The following HYDIN variants were observed in gnomAD, a reference collection of about 807,000 sequenced individuals.
HYDIN encodes HYDIN axonemal central pair apparatus protein.
HYDIN carries 132 observed loss-of-function variants against 403.9 expected under a neutral mutation model. The ratio of observed to expected loss-of-function variants is 0.33; its 90% CI spans 0.28 to 0.38. HYDIN has a LOEUF of 0.38. Among genes scored for constraint, HYDIN ranks in the 10% least tolerant of loss-of-function variants. The pLI is 1.00. For missense variants in HYDIN, 2,827 were observed against 5,009.5 expected (o/e 0.56, Z 13.15); for synonymous variants, 1,202 against 1,891.7 (o/e 0.64, Z 9.46).
At position 71,036,899 on chromosome 16, in the gene HYDIN, G is replaced by A. The variant is rs183622124; in HGVS notation, c.2530-4982C>T. 1.2e-4 allele frequency among the ~76,000 whole-genome samples: 19 copies of A among 152,052 alleles called. No homozygotes were observed. In the East Asian group the frequency reaches 3.3e-3, roughly 26 times the overall value. On this transcript the variant is annotated intron_variant, in intron 18 of 85. Transcript: ENST00000393567. ...GGGCTTGGTCATTGTGATATTTCCT[G>A]TTATTAAATGGAAAATTTGACTAAA...
chr16:71,184,641 GA>G (rs2087056850), intron 3 of HYDIN, among the ~76,000 whole-genome samples: 1 of 152,102 alleles, frequency 6.6e-6, no homozygotes, highest in African/African-American at 2.4e-5. Flanking sequence ...AAGTAGCTAA[GA>G]AAGAAGTATA....
At chr16:71,192,250 C>A (rs2087472577) in intron 1 of HYDIN, among the ~76,000 whole-genome samples, 1 of 152,158 alleles carries the variant, frequency 6.6e-6, no homozygotes, top group Non-Finnish European at 1.5e-5. Flanking sequence ...TCTTTTCCAT[C>A]CCTGCTGCCC....
intron 21 of HYDIN, among the ~76,000 whole-genome samples, chr16:71,024,451 A>T (rs2080615704): frequency 6.6e-6 from 1 of 150,968 alleles, no homozygotes; most frequent in Non-Finnish European, 1.5e-5. Flanking sequence ...CTCCTAATAC[A>T]TGCCCTCCCA....
At chr16:71,142,204 C>T (rs1210012635) in intron 7 of HYDIN, among the ~76,000 whole-genome samples, 1 of 151,440 alleles carries the variant, frequency 6.6e-6, no homozygotes, top group Non-Finnish European at 1.5e-5. Flanking sequence ...GGTCTGTAAT[C>T]GGTTTGATTA....
chr16:71,092,996 C>A (rs1454435842), intron 11 of HYDIN, among the ~76,000 whole-genome samples: 2 of 139,762 alleles, frequency 1.4e-5, no homozygotes, highest in Non-Finnish European at 3.0e-5. Context: ...TGTAATAAAG[C>A]CTAACTTTCA....
At chr16:70,981,227 C>T (rs1157863319) in intron 29 of HYDIN, among the ~76,000 whole-genome samples, 164 bp downstream of exon 29, 7 of 152,206 alleles carry the variant, frequency 4.6e-5, no homozygotes, top group Non-Finnish European at 4.4e-5. Context: ...GATTTCTTGT[C>T]GCAGTAAACT....
intron 1 of HYDIN, among the ~76,000 whole-genome samples, chr16:71,197,057 G>C (rs909071054): frequency 5.3e-5 from 8 of 152,034 alleles, no homozygotes; most frequent in Non-Finnish European, 1.2e-4. Context: ...ATTCTTTCTT[G>C]TGTGAAATCC....
intron 15 of HYDIN, chr16:71,066,692 G>C: frequency 2.8e-6 from 1 of 361,640 alleles, no homozygotes; most frequent in South Asian, 2.1e-5. Context: ...TGGTCAAAAG[G>C]ACACAGTCAA....
chr16:71,198,410 G>C (rs1598009771), intron 1 of HYDIN, among the ~76,000 whole-genome samples: 4 of 152,256 alleles, frequency 2.6e-5, no homozygotes, highest in East Asian at 3.9e-4. Context: ...GTATGTGCAG[G>C]ATAGGCTCTC....
At chr16:70,893,510 T>C (rs931530415) in intron 55 of HYDIN, 2 of 151,600 alleles carry the variant, frequency 1.3e-5, no homozygotes, top group African/African-American at 5.0e-5. Flanking sequence ...ACTTTTTCTT[T>C]TCTTTTCTTT....
At chr16:71,126,600 G>C (rs953694002) in intron 9 of HYDIN, among the ~76,000 whole-genome samples, 1 of 151,314 alleles carries the variant, frequency 6.6e-6, no homozygotes, top group Non-Finnish European at 1.5e-5. Flanking sequence ...GCTGATGACT[G>C]CTCCTCCTGA....
chr16:71,074,075 A>G (rs4238975), intron 13 of HYDIN, among the ~76,000 whole-genome samples: 1 of 152,238 alleles, frequency 6.6e-6, no homozygotes, highest in Non-Finnish European at 1.5e-5. Flanking sequence ...ACACTAATCT[A>G]TAACAGACTC....
chr16:70,907,919 T>G (rs1363596104), intron 49 of HYDIN, among the ~76,000 whole-genome samples: 2 of 151,904 alleles, frequency 1.3e-5, no homozygotes, highest in African/African-American at 4.8e-5. Context: ...ATTTCACCCA[T>G]GCAGAGTCAC....
intron 1 of HYDIN, among the ~76,000 whole-genome samples, chr16:71,225,540 T>G (rs998870852): frequency 7.9e-5 from 12 of 152,220 alleles, no homozygotes; most frequent in Non-Finnish European, 1.6e-4. Flanking sequence ...CAACCGGCCC[T>G]ATCTCTGGAC....
At chr16:71,192,992 C>G (rs887570216) in intron 1 of HYDIN, among the ~76,000 whole-genome samples, 3 of 152,178 alleles carry the variant, frequency 2.0e-5, no homozygotes, top group Non-Finnish European at 2.9e-5. Context: ...CCTACAAAAC[C>G]CATCTCAAGA....
chr16:71,212,755 T>TAATG lies in HYDIN; in HGVS notation c.-24+17803_-24+17806dup, dbSNP rs759066411. Among the ~76,000 whole-genome samples the TAATG allele has an allele frequency of 2.0e-5, 3 of 152,064 alleles. No individual in the cohort carries two copies. The South Asian group carries it at 6.2e-4, about 32-fold the overall frequency. ...CTTGAGTGAAGTAAGAGAAGAGAGA[T>TAATG]AATGAGTCAGAGGCAACATCTAACA... On this transcript the variant is annotated intron_variant, in intron 1 of 85. Coordinates refer to ENST00000393567, the MANE Select transcript of HYDIN (RefSeq NM_001270974.2).
chr16:71,164,993 T>C (rs2086154870), intron 5 of HYDIN, among the ~76,000 whole-genome samples: 1 of 152,256 alleles, frequency 6.6e-6, no homozygotes, highest in South Asian at 2.1e-4. Flanking sequence ...CAAACTGTAA[T>C]CACTCTTCAC....
chr16:70,989,011 A>G (rs1437533743), intron 25 of HYDIN, among the ~76,000 whole-genome samples: 2 of 151,862 alleles, frequency 1.3e-5, no homozygotes, highest in African/African-American at 4.8e-5. Flanking sequence ...GTTTGCTTTA[A>G]TTTTTCTGTA....
intron 23 of HYDIN, among the ~76,000 whole-genome samples, chr16:71,008,580 T>G (rs2144093185): frequency 6.6e-6 from 1 of 152,080 alleles, no homozygotes; most frequent in Admixed American, 6.5e-5. Flanking sequence ...CTTTGTGGTC[T>G]GGAAAGCTGT....
Sources: allele counts gnomAD v4.1 joint callset (sites outside exome capture counted in the v4.1 genomes callset), GRCh38; gene constraint gnomAD v4.1.1; transcripts MANE v1.5; gene names NCBI Gene and HGNC (gene_info 2026-07-23, HGNC 2026-07-21).